TRAPPC9: variants seen among roughly 807,000 people sequenced by gnomAD.
The protein encoded by TRAPPC9 is trafficking protein particle complex subunit 9.
TRAPPC9 carries 83 observed loss-of-function variants against 124.0 expected under a neutral mutation model. The ratio of observed to expected loss-of-function variants is 0.67; its 90% CI spans 0.56 to 0.80. The LOEUF is 0.80. TRAPPC9 is among the 30% of genes least tolerant of loss of function. The pLI is 0.00. For missense variants in TRAPPC9, 1,302 were observed against 1,508.3 expected, an observed-to-expected ratio of 0.86 and a Z score of 2.27; for synonymous variants, 638 against 617.5, an observed-to-expected ratio of 1.03 and a Z score of -0.49.
chr8:140,344,201 G>A (rs1235374199), intron 9 of TRAPPC9, among the ~76,000 whole-genome samples: 1 of 152,166 alleles, frequency 6.6e-6, no homozygotes, highest in Admixed American at 6.5e-5. Flanking sequence ...GAGCCAGGAA[G>A]TGGCCCTCAC....
chr8:140,264,523 A>G (rs2064549335), intron 15 of TRAPPC9, among the ~76,000 whole-genome samples: 1 of 150,756 alleles, frequency 6.6e-6, no homozygotes, highest in African/African-American at 2.4e-5. Context: ...GTCTGAGAAC[A>G]AGGGGAAAGC....
chr8:140,021,337 T>C (rs1269250059), intron 18 of TRAPPC9, among the ~76,000 whole-genome samples: 1 of 152,252 alleles, frequency 6.6e-6, no homozygotes, highest in Non-Finnish European at 1.5e-5. Context: ...AAAAATATTA[T>C]AACAATTTGC....
intron 6 of TRAPPC9, among the ~76,000 whole-genome samples, chr8:140,401,703 A>G (rs564943142): frequency 6.6e-6 from 1 of 152,132 alleles, no homozygotes; most frequent in South Asian, 2.1e-4. Flanking sequence ...AGCTCATCGT[A>G]GCCTCAATCT....
intron 9 of TRAPPC9, among the ~76,000 whole-genome samples, chr8:140,330,855 C>G (rs546278711): frequency 6.6e-6 from 1 of 151,986 alleles, no homozygotes; most frequent in Non-Finnish European, 1.5e-5. Context: ...CATTTTGTCA[C>G]GCTGCCCACC....
chr8:139,787,944 C>T (rs2130577396), intron 21 of TRAPPC9, among the ~76,000 whole-genome samples: 1 of 152,278 alleles, frequency 6.6e-6, no homozygotes, highest in East Asian at 1.9e-4. Flanking sequence ...CATGAAAGAG[C>T]TTTGCAAGGC....
intron 18 of TRAPPC9, among the ~76,000 whole-genome samples, chr8:140,019,664 T>C (rs1456164400): frequency 3.4e-5 from 5 of 148,090 alleles, no homozygotes; most frequent in African/African-American, 1.2e-4. Flanking sequence ...GCGATTCTCA[T>C]GCCTCAGCCT....
rs768427045 is a variant in TRAPPC9, at chr8:140,291,087, T to C, written c.1769-9A>G. ...TTGAACCCACTGGAAATCTAGAAAA[T>C]ACACACACATAAATGAATCCATGTA... On this transcript the variant is annotated splice_polypyrimidine_tract_variant and intron_variant, in intron 11 of 22. Transcript: ENST00000438773. 1 of 1,611,692 alleles carries C rather than the reference T, an allele frequency of 6.2e-7. No homozygotes were observed. The highest frequency in any genetic ancestry group is 8.5e-7 in the Non-Finnish European group (1 of 1,177,732).
At chr8:140,108,600 G>A (rs1247754350) in intron 17 of TRAPPC9, among the ~76,000 whole-genome samples, 1 of 152,236 alleles carries the variant, frequency 6.6e-6, no homozygotes, top group African/African-American at 2.4e-5. Context: ...AGGAAGATAA[G>A]TTGAAAGGAT....
chr8:140,300,346 C>T, intron 11 of TRAPPC9, 123 bp downstream of exon 11: 1 of 1,235,440 alleles, frequency 8.1e-7, no homozygotes, highest in Non-Finnish European at 1.2e-6. Flanking sequence ...TGCGTGCACA[C>T]ATCCACGCAC....
At chr8:139,893,172 C>T (rs778021238) in intron 20 of TRAPPC9, among the ~76,000 whole-genome samples, 20 of 152,228 alleles carry the variant, frequency 1.3e-4, no homozygotes, top group Admixed American at 4.6e-4. Context: ...TGGCGAGATG[C>T]CTCTCCTGTG....
intron 21 of TRAPPC9, among the ~76,000 whole-genome samples, chr8:139,853,891 AAT>A (rs1028832267): frequency 3.8e-4 from 58 of 152,370 alleles, no homozygotes; most frequent in Middle Eastern, 3.4e-3. Flanking sequence ...TTTGCAAATA[AAT>A]ATGTTAATAT....
At chr8:139,921,171 G>A (rs1018317099) in intron 19 of TRAPPC9, among the ~76,000 whole-genome samples, 3 of 152,226 alleles carry the variant, frequency 2.0e-5, no homozygotes, top group Admixed American at 6.5e-5. Context: ...AGTCTCCTGA[G>A]GCCCTGCAGT....
rs1016530024 is a variant in TRAPPC9 at position 140,216,713 on chromosome 8, G to A, written c.2556+4746C>T. 1.3e-5 allele frequency among the ~76,000 whole-genome samples: 2 copies of A among 152,150 alleles called. No homozygotes were observed. The highest frequency in any genetic ancestry group is 2.1e-4 in the South Asian group (1 of 4,820). On this transcript the variant is annotated intron_variant, in intron 17 of 22. Coordinates refer to ENST00000438773, the MANE Select transcript of TRAPPC9 (RefSeq NM_001160372.4). The surrounding 1 kb of genome is among the most constrained non-coding windows in gnomAD (Gnocchi z 4.1). ...TCAGGGGCCTCTGCACCTGCCAGCCGCAGGTTCGGGAATGCCCTCTCCACT... is the reference window on the plus strand; with the variant it reads ...TCAGGGGCCTCTGCACCTGCCAGCCACAGGTTCGGGAATGCCCTCTCCACT...
At chr8:139,938,985 A>T (rs2614716) in intron 19 of TRAPPC9, among the ~76,000 whole-genome samples, 135,929 of 152,232 alleles carry the variant, frequency 0.89, 60,804 homozygotes, top group Middle Eastern at 0.99. Flanking sequence ...AATAAGACAA[A>T]TGAATAAAGT....
intron 9 of TRAPPC9, among the ~76,000 whole-genome samples, chr8:140,348,132 G>A (rs747867856): frequency 9.2e-5 from 14 of 152,352 alleles, no homozygotes; most frequent in Middle Eastern, 3.4e-3. Flanking sequence ...GCGCTGGGAC[G>A]CCAGGGGTCC....
chr8:139,973,034 G>A (rs1836206452), intron 19 of TRAPPC9, among the ~76,000 whole-genome samples: 1 of 152,208 alleles, frequency 6.6e-6, no homozygotes, highest in African/African-American at 2.4e-5. Flanking sequence ...GGGGGAGGAG[G>A]AAGAAATGGC....
intron 21 of TRAPPC9, among the ~76,000 whole-genome samples, chr8:139,745,865 G>T (rs951284797): frequency 6.6e-6 from 1 of 152,252 alleles, no homozygotes; most frequent in Non-Finnish European, 1.5e-5. Context: ...AAACTGAGTC[G>T]GTGGGCAGCA....
At chr8:139,871,222 T>A (rs1828879507) in intron 21 of TRAPPC9, among the ~76,000 whole-genome samples, 1 of 152,132 alleles carries the variant, frequency 6.6e-6, no homozygotes, top group South Asian at 2.1e-4. Context: ...TGTGGCTGAG[T>A]TTTGTTATAA....
chr8:139,932,646 C>A, intron 19 of TRAPPC9: 1 of 399,618 alleles, frequency 2.5e-6, no homozygotes, highest in South Asian at 1.9e-5. Context: ...TGCCTGTAGT[C>A]CCAGCTACGT....
Sources: gnomAD v4.1 joint callset for allele counts (sites outside exome capture counted in the v4.1 genomes callset) on GRCh38, gnomAD v4.1.1 for gene constraint, Gnocchi (gnomAD v3.1) non-coding constraint, MANE v1.5 for transcripts, NCBI Gene and HGNC (gene_info 2026-07-23, HGNC 2026-07-21) for gene names.